Variants in USP43 observed in about 807,000 individuals in gnomAD.
USP43 encodes ubiquitin specific peptidase 43.
In USP43, 33 loss-of-function variants were observed where a neutral mutation model predicts 90.7. The ratio of observed to expected loss-of-function variants is 0.36; its 90% CI spans 0.28 to 0.49. The LOEUF (loss-of-function observed/expected upper bound fraction) is 0.49, where lower values mean the gene tolerates loss of function less well. Among genes scored for constraint, USP43 ranks in the 20% least tolerant of loss-of-function variants. USP43 has a pLI of 0.98. For missense variants in USP43, 1,274 were observed against 1,476.4 expected, an observed-to-expected ratio of 0.86 and a Z score of 2.25; for synonymous variants, 598 against 615.8, an observed-to-expected ratio of 0.97 and a Z score of 0.43.
chr17:9,684,201 T>C (rs2151978167), intron 7 of USP43, among the ~76,000 whole-genome samples: 1 of 152,180 alleles, frequency 6.6e-6, no homozygotes, highest in Non-Finnish European at 1.5e-5. Context: ...AATATTTATG[T>C]CCTTGGGTGG....
chr17:9,696,579 C>T (rs963968099), intron 9 of USP43, among the ~76,000 whole-genome samples: 1 of 152,248 alleles, frequency 6.6e-6, no homozygotes, highest in African/African-American at 2.4e-5. Context: ...TAACTAAACA[C>T]TTGCCAGTCT....
chr17:9,715,697 G>GTC (rs1916486706), intron 14 of USP43, among the ~76,000 whole-genome samples: 1 of 117,920 alleles, frequency 8.5e-6, no homozygotes, highest in African/African-American at 5.2e-5. Flanking sequence ...ATGTGTGTGT[G>GTC]TCTGTGTGTG....
intron 5 of USP43, among the ~76,000 whole-genome samples, chr17:9,679,206 G>T (rs1412792881): frequency 1.3e-5 from 2 of 151,972 alleles, no homozygotes; most frequent in Non-Finnish European, 2.9e-5. Context: ...ATTTATGAAT[G>T]AATGAATGAA....
rs1456056244 is a variant in USP43, at chr17:9,728,380, A to G, written c.2762A>G (p.Gln921Arg). 2.5e-6 allele frequency: 4 copies of G among 1,608,396 alleles called. No individual in the cohort carries two copies. The highest frequency in any genetic ancestry group is 3.4e-6 in the Non-Finnish European group (4 of 1,177,390). The change falls in exon 15 of 15, where the codon CAG (glutamine) becomes CGG (arginine). Residue 921 changes from glutamine (Q) to arginine (R), a missense_variant. This residue lies in a region of USP43 where 353 missense variants were observed against 329.7 expected (regional missense o/e 1.07). Transcript: ENST00000285199. This position sits in a 1 kb window ranked among gnomAD's most constrained non-coding sequence, Gnocchi z 6.2. Reference sequence around the variant, plus strand: ...AGGAAACTCAAGGAAAATGCAGGGCAGGACATCAAGCTTCCCAGAAAGTTT... The same window carrying G: ...AGGAAACTCAAGGAAAATGCAGGGCGGGACATCAAGCTTCCCAGAAAGTTT... The part of the protein sequence containing the change: ...TARKLKENAG[Q>R]DIKLPRKFDL...
At chr17:9,682,671 C>A (rs1234477694) in intron 6 of USP43, among the ~76,000 whole-genome samples, 152 bp from the exon 7 acceptor site, 3 of 152,174 alleles carry the variant, frequency 2.0e-5, no homozygotes, top group African/African-American at 7.2e-5. Flanking sequence ...ATGCCATGAA[C>A]CTCATTATCT....
chr17:9,693,236 G>T lies in USP43; in HGVS notation c.1457+6G>T. On this transcript the variant is annotated splice_donor_region_variant and intron_variant, in intron 9 of 14. Coordinates refer to ENST00000285199, the MANE Select transcript of USP43 (RefSeq NM_153210.5). ...TGTCACTGGGCAGTTGACAGGTAAGGGGGAAGGTCCAGGTTCAGTCAGCTA... is the reference window on the plus strand; with the variant it reads ...TGTCACTGGGCAGTTGACAGGTAAGTGGGAAGGTCCAGGTTCAGTCAGCTA... The T allele has an allele frequency of 1.2e-6, 2 of 1,609,424 alleles. No individual in the cohort carries two copies. The highest frequency in any genetic ancestry group is 1.1e-5 in the South Asian group (1 of 89,988).
intron 9 of USP43, among the ~76,000 whole-genome samples, chr17:9,694,209 A>G (rs1381957195): frequency 6.6e-6 from 1 of 152,170 alleles, no homozygotes; most frequent in Admixed American, 6.5e-5. Flanking sequence ...CCTGACTGAG[A>G]TGGGCCTTTC....
At chr17:9,646,853 A>G (rs1349938388) in intron 1 of USP43, among the ~76,000 whole-genome samples, 2 of 152,032 alleles carry the variant, frequency 1.3e-5, no homozygotes, top group Non-Finnish European at 2.9e-5. Context: ...CTTTTGTTTA[A>G]GGCGCATTCA....
rs556348574 is a variant in USP43, at chr17:9,673,191, G to A, written c.741-1700G>A. 2.8e-4 allele frequency among the ~76,000 whole-genome samples: 42 copies of A among 152,204 alleles called. 1 individual carries two copies. In the South Asian group the frequency reaches 7.3e-3, roughly 26 times the overall value. On this transcript the variant is annotated intron_variant, in intron 3 of 14. Transcript: ENST00000285199. ...ATTATATGATAAGAGAAAGAAAATT[G>A]GTATGTACATGTGGAATATAAAAGT...
At chr17:9,648,050 C>T (rs562800179) in intron 1 of USP43, among the ~76,000 whole-genome samples, 8 of 152,162 alleles carry the variant, frequency 5.3e-5, no homozygotes, top group African/African-American at 1.7e-4. Context: ...AAACAAAAAA[C>T]TCCGAAATTA....
At chr17:9,716,981 C>A (rs1051880569) in intron 14 of USP43, among the ~76,000 whole-genome samples, 3 of 151,862 alleles carry the variant, frequency 2.0e-5, no homozygotes, top group Non-Finnish European at 2.9e-5. Flanking sequence ...ACTAAAAATA[C>A]AAAAATTAGC....
intron 14 of USP43, among the ~76,000 whole-genome samples, chr17:9,719,321 C>T (rs1368025383): frequency 1.3e-5 from 2 of 152,110 alleles, no homozygotes; most frequent in Non-Finnish European, 2.9e-5. Context: ...AAAGGATGGT[C>T]CAAGTTTTTC....
chr17:9,690,243 C>G (rs1597855986), intron 8 of USP43, among the ~76,000 whole-genome samples: 2 of 152,324 alleles, frequency 1.3e-5, no homozygotes, highest in Admixed American at 1.3e-4. Flanking sequence ...TTGTTTTCCT[C>G]TCATAATTCA....
Position 9,728,363 on chromosome 17 carries a change from C to T in USP43, c.2745C>T (p.Leu915=). 1 of 1,610,176 alleles carries T rather than the reference C, an allele frequency of 6.2e-7. No homozygotes were observed. The highest frequency in any genetic ancestry group is 8.5e-7 in the Non-Finnish European group (1 of 1,178,246). Residue 915 remains leucine, a synonymous_variant, in exon 15 of 15, where the codon CTC becomes CTT. Transcript: ENST00000285199. This position sits in a 1 kb window ranked among gnomAD's most constrained non-coding sequence, Gnocchi z 6.2. ...NSDGPNTARK[L]KENAGQDIKL... is the part of the protein sequence containing the mutation. ...ATGGTCCAAACACAGCAAGGAAACT[C>T]AAGGAAAATGCAGGGCAGGACATCA...
At chr17:9,649,001 CTCTCTT>C (rs1911667193) in intron 1 of USP43, among the ~76,000 whole-genome samples, 2 of 151,366 alleles carry the variant, frequency 1.3e-5, no homozygotes, top group African/African-American at 2.4e-5. Context: ...TTCCCTCTCT[CTCTCTT>C]TAAGAGAGAG....
Position 9,645,997 on chromosome 17 carries a change from C to G in USP43, c.365C>G (p.Thr122Ser). The G allele has an allele frequency of 6.7e-7, 1 of 1,485,518 alleles. No individual in the cohort carries two copies. The highest frequency in any genetic ancestry group is 8.9e-7 in the Non-Finnish European group (1 of 1,119,658). The allele number at this position is 1,485,518 out of a possible 1,614,324, so 92.0% of individuals were successfully genotyped here. Reference protein sequence around the residue: ...MNAVVQCLSNTDLLAEFLALG... With the variant: ...MNAVVQCLSNSDLLAEFLALG... ...GCGGTGGTGCAGTGTCTCAGCAACA[C>G]CGACCTGCTGGCCGAGTTCCTGGCG... Residue 122 changes from threonine (T) to serine (S), a missense_variant, in exon 1 of 15, where the codon ACC becomes AGC. This residue lies in a region of USP43 where 259 missense variants were observed against 373.7 expected (regional missense o/e 0.69). Coordinates refer to ENST00000285199, the MANE Select transcript of USP43 (RefSeq NM_153210.5). This position sits in a 1 kb window ranked among gnomAD's most constrained non-coding sequence, Gnocchi z 6.8.
chr17:9,688,349 C>G (rs927421315), intron 8 of USP43, among the ~76,000 whole-genome samples: 1 of 131,574 alleles, frequency 7.6e-6, no homozygotes, highest in Non-Finnish European at 1.5e-5. Context: ...TGCTCACACT[C>G]CTGTCCTGTT....
In USP43 at chr17:9,697,666, CT is replaced by C. The variant is rs56661274; in HGVS notation, c.1458-2491del. On this transcript the variant is annotated intron_variant, in intron 9 of 14. Transcript: ENST00000285199. ...ATGTTGCTGCAAAGAAACAGGAATT[CT>C]TTTTTTTTTTTTTTGGCTGTGTAGT... is the stretch of plus-strand genomic sequence containing the variant. Among the ~76,000 whole-genome samples, 538 of 136,576 alleles carry C rather than the reference CT, an allele frequency of 3.9e-3. 1 individual carries two copies. Among genetic ancestry groups the C allele is most frequent in the Middle Eastern group, 0.015 (4 of 268 alleles). 89.6% of individuals were successfully genotyped at this position (136,576 alleles called of 152,430 possible).
At chr17:9,727,020 G>T (rs1016719246) in intron 14 of USP43, among the ~76,000 whole-genome samples, 1 of 151,838 alleles carries the variant, frequency 6.6e-6, no homozygotes, top group Non-Finnish European at 1.5e-5. Flanking sequence ...AGGCTGGAGT[G>T]CAGTGGCATG....
Sources: allele counts gnomAD v4.1 joint callset (sites outside exome capture counted in the v4.1 genomes callset), GRCh38; gene constraint gnomAD v4.1.1; regional missense constraint gnomAD v4.1.1; non-coding constraint Gnocchi (gnomAD v3.1); transcripts MANE v1.5; gene names NCBI Gene and HGNC (gene_info 2026-07-23, HGNC 2026-07-21).